The following LEKR1 variants were observed in gnomAD, a reference collection of about 807,000 sequenced individuals.
LEKR1 encodes the protein leucine, glutamate and lysine rich 1.
A neutral mutation model predicts 72.4 loss-of-function variants in LEKR1; 59 were observed. That is an observed-to-expected ratio of 0.82 (90% confidence interval 0.66 to 1.01). The LOEUF (loss-of-function observed/expected upper bound fraction) is 1.01. LEKR1 is among the 50% of genes least tolerant of loss of function. The probability of loss-of-function intolerance (pLI) is 0.00; values close to 1 mark genes in which losing one functional copy is unlikely to be tolerated. For missense variants in LEKR1, 728 were observed against 759.2 expected, an observed-to-expected ratio of 0.96 and a Z score of 0.48; for synonymous variants, 257 against 263.2, an observed-to-expected ratio of 0.98 and a Z score of 0.23.
chr3:156,907,223 T>C (rs1722613468), intron 3 of LEKR1, among the ~76,000 whole-genome samples: 1 of 152,104 alleles, frequency 6.6e-6, no homozygotes, highest in Admixed American at 6.6e-5. Context: ...ATCACCCTGC[T>C]TTAACATTGA....
intron 3 of LEKR1, among the ~76,000 whole-genome samples, chr3:156,914,240 T>C (rs565219658): frequency 6.6e-6 from 1 of 152,346 alleles, no homozygotes; most frequent in Non-Finnish European, 1.5e-5. Context: ...AGTATACACA[T>C]GCCATGGTGG....
intron 6 of LEKR1, among the ~76,000 whole-genome samples, chr3:156,951,401 T>C (rs545042696): frequency 5.3e-4 from 80 of 151,826 alleles, no homozygotes; most frequent in African/African-American, 1.7e-3. Context: ...TTCTTCCTCC[T>C]CGATTCTTTG....
chr3:156,956,874 C>A lies in LEKR1; in HGVS notation c.745+14160C>A, dbSNP rs139598404. ...CAAGCAAATGGGTGAAAGACAGAAA[C>A]AAACCATTAACACAGGAAAAACACA... On this transcript the variant is annotated intron_variant, in intron 6 of 12. Coordinates refer to ENST00000356539, the MANE Select transcript of LEKR1 (RefSeq NM_001004316.3). Among the ~76,000 whole-genome samples the A allele has an allele frequency of 4.4e-3, 676 of 152,098 alleles. 2 individuals carry two copies. Among genetic ancestry groups the A allele is most frequent in the African/African-American group, 0.016 (653 of 41,538 alleles).
chr3:156,884,402 G>T (rs974432270), intron 3 of LEKR1, among the ~76,000 whole-genome samples: 1 of 151,946 alleles, frequency 6.6e-6, no homozygotes, highest in Non-Finnish European at 1.5e-5. Context: ...AAGGAAGTTT[G>T]ATTTTGGTAT....
chr3:157,032,186 C>G (rs1734664856), intron 12 of LEKR1, among the ~76,000 whole-genome samples: 1 of 152,138 alleles, frequency 6.6e-6, no homozygotes, highest in Non-Finnish European at 1.5e-5. Context: ...TTCCTTCCTA[C>G]TGGTTCCATG....
intron 6 of LEKR1, among the ~76,000 whole-genome samples, chr3:156,954,061 AC>A (rs2107978036): frequency 6.6e-6 from 1 of 152,010 alleles, no homozygotes; most frequent in Non-Finnish European, 1.5e-5. Context: ...CACCATTCTG[AC>A]TGGTGTAAGA....
intron 3 of LEKR1, among the ~76,000 whole-genome samples, chr3:156,915,441 G>T (rs4441614): frequency 0.3 from 45,963 of 150,764 alleles, 9,932 homozygotes; most frequent in African/African-American, 0.62. Context: ...ACTTTTTAGT[G>T]ATAGCCATTC....
intron 6 of LEKR1, among the ~76,000 whole-genome samples, chr3:156,978,039 A>C (rs1729852697): frequency 6.6e-6 from 1 of 152,206 alleles, no homozygotes; most frequent in African/African-American, 2.4e-5. Flanking sequence ...AAAAATGAGA[A>C]CTTTTTTTAG....
intron 6 of LEKR1, among the ~76,000 whole-genome samples, chr3:156,960,264 GTA>G (rs1388624383): frequency 1.3e-5 from 2 of 152,086 alleles, no homozygotes; most frequent in African/African-American, 4.8e-5. Context: ...TTTGATTCAA[GTA>G]TATGATTTTT....
chr3:156,870,338 T>A (rs1717778682), intron 3 of LEKR1, among the ~76,000 whole-genome samples: 1 of 152,154 alleles, frequency 6.6e-6, no homozygotes, highest in Non-Finnish European at 1.5e-5. Context: ...TTCATGAGCA[T>A]ACAATGTCTT....
At chr3:156,935,373 C>A (rs1205705555) in intron 5 of LEKR1, among the ~76,000 whole-genome samples, 1 of 152,062 alleles carries the variant, frequency 6.6e-6, no homozygotes, top group East Asian at 1.9e-4. Context: ...AAAAAACTTT[C>A]TTTTTAGTGC....
intron 2 of LEKR1, among the ~76,000 whole-genome samples, chr3:156,838,474 A>C (rs1713452073): frequency 6.6e-6 from 1 of 152,162 alleles, no homozygotes; most frequent in African/African-American, 2.4e-5. Flanking sequence ...GAGTCTTCCT[A>C]CTATTTTGGG....
intron 2 of LEKR1, among the ~76,000 whole-genome samples, chr3:156,847,189 C>T (rs1050580864): frequency 6.6e-6 from 1 of 152,196 alleles, no homozygotes; most frequent in Non-Finnish European, 1.5e-5. Context: ...GAAGCACAGA[C>T]AGGAACTCTG....
At chr3:156,917,989 A>G (rs1280590294) in intron 3 of LEKR1, among the ~76,000 whole-genome samples, 1 of 152,146 alleles carries the variant, frequency 6.6e-6, no homozygotes, top group Non-Finnish European at 1.5e-5. Context: ...TGTCAGGAGA[A>G]GAATTACCTC....
intron 3 of LEKR1, among the ~76,000 whole-genome samples, chr3:156,918,977 T>A (rs985842903): frequency 2.0e-5 from 3 of 152,158 alleles, no homozygotes; most frequent in African/African-American, 7.2e-5. Context: ...AGATTCCTCA[T>A]GAATAGATTA....
intron 3 of LEKR1, among the ~76,000 whole-genome samples, chr3:156,917,231 G>A (rs1002906391): frequency 6.6e-6 from 1 of 152,022 alleles, no homozygotes; most frequent in South Asian, 2.1e-4. Context: ...GGTAGAGAAA[G>A]GATAAGAAAG....
intron 3 of LEKR1, among the ~76,000 whole-genome samples, chr3:156,859,125 G>T (rs62275169): frequency 6.6e-6 from 1 of 152,022 alleles, no homozygotes; most frequent in Non-Finnish European, 1.5e-5. Context: ...ATATAACTTT[G>T]TAATAGATCC....
intron 3 of LEKR1, among the ~76,000 whole-genome samples, chr3:156,887,356 T>C (rs1313160616): frequency 2.0e-5 from 3 of 152,178 alleles, no homozygotes; most frequent in Non-Finnish European, 4.4e-5. Context: ...GCAGTGAGTG[T>C]GGCTGTAAAG....
chr3:156,884,473 A>C (rs1273611060), intron 3 of LEKR1, among the ~76,000 whole-genome samples: 1 of 152,116 alleles, frequency 6.6e-6, no homozygotes, highest in Non-Finnish European at 1.5e-5. Context: ...GTAATGGCTT[A>C]ATAGTGGTAA....
Sources: allele counts gnomAD v4.1 joint callset (sites outside exome capture counted in the v4.1 genomes callset), GRCh38; gene constraint gnomAD v4.1.1; transcripts MANE v1.5; gene names NCBI Gene and HGNC (gene_info 2026-07-23, HGNC 2026-07-21).